MLIP: variants seen among roughly 807,000 people sequenced by gnomAD.
The protein encoded by MLIP is muscular LMNA interacting protein, also known as muscular LMNA-interacting protein.
Under a neutral mutation model 84.8 loss-of-function variants are expected in MLIP, and 79 were observed. That is an observed-to-expected ratio of 0.93 (90% CI 0.78 to 1.12). MLIP has a LOEUF of 1.12. MLIP is among the 50% of genes most tolerant of loss of function. The probability of loss-of-function intolerance (pLI) is 0.00; values close to 1 mark genes in which losing one functional copy is unlikely to be tolerated. For missense variants in MLIP, 1,257 were observed against 1,160.6 expected (o/e 1.08, Z -1.21); for synonymous variants, 504 against 463.0 (o/e 1.09, Z -1.14).
chr6:54,034,721 A>T (rs922130802), intron 1 of MLIP, among the ~76,000 whole-genome samples: 1 of 152,152 alleles, frequency 6.6e-6, no homozygotes, highest in Non-Finnish European at 1.5e-5. Context: ...GTAAGCTAAG[A>T]TTAATTTATT....
intron 9 of MLIP, among the ~76,000 whole-genome samples, chr6:54,177,232 A>T (rs180835024): frequency 6.6e-6 from 1 of 152,312 alleles, no homozygotes; most frequent in East Asian, 1.9e-4. Flanking sequence ...GCACAGCAAA[A>T]TAAATTATCA....
intron 9 of MLIP, among the ~76,000 whole-genome samples, chr6:54,184,530 C>A (rs1353343002): frequency 6.6e-6 from 1 of 152,122 alleles, no homozygotes; most frequent in Admixed American, 6.5e-5. Context: ...CTTTGTTTGC[C>A]TTTGGCATCA....
At chr6:54,210,203 G>T (rs1779343618) in intron 11 of MLIP, among the ~76,000 whole-genome samples, 1 of 152,274 alleles carries the variant, frequency 6.6e-6, no homozygotes, top group Non-Finnish European at 1.5e-5. Context: ...GCAGGACACA[G>T]TTCCTACATA....
intron 11 of MLIP, among the ~76,000 whole-genome samples, chr6:54,209,123 T>C (rs918099437): frequency 6.6e-6 from 1 of 152,222 alleles, no homozygotes; most frequent in African/African-American, 2.4e-5. Flanking sequence ...GATATTGGCA[T>C]ATATTTTAAA....
At chr6:54,234,970 C>T (rs532001400) in intron 12 of MLIP, among the ~76,000 whole-genome samples, 13 of 152,136 alleles carry the variant, frequency 8.5e-5, no homozygotes, top group Non-Finnish European at 1.5e-4. Context: ...GATTCAGTTT[C>T]GTATCTTTAG....
chr6:54,053,204 C>G lies in MLIP; in HGVS notation c.63+34113C>G, dbSNP rs79799932. Reference sequence around the variant, plus strand: ...TCTGATACCCATACCTTAAGCACCACTATGTTTTGTACTGGGTTGAACCAT... The same window carrying G: ...TCTGATACCCATACCTTAAGCACCAGTATGTTTTGTACTGGGTTGAACCAT... On this transcript the variant is annotated intron_variant, in intron 1 of 12. Transcript: ENST00000274897. Among the ~76,000 whole-genome samples the G allele has an allele frequency of 8.8e-4, 134 of 152,266 alleles. 2 individuals carry two copies. The East Asian group carries it at 0.021, about 24-fold the overall frequency.
chr6:54,073,095 C>T (rs116330329), intron 1 of MLIP, among the ~76,000 whole-genome samples: 1,964 of 152,282 alleles, frequency 0.013, 16 homozygotes, highest in Non-Finnish European at 0.021. Context: ...CCCTGCAACT[C>T]CTCCCCTGAA....
At chr6:54,024,275 G>A (rs1016791283) in intron 1 of MLIP, among the ~76,000 whole-genome samples, 1 of 152,198 alleles carries the variant, frequency 6.6e-6, no homozygotes, top group Admixed American at 6.5e-5. Context: ...GCCTCCCAAA[G>A]TGTTGGGATT....
At chr6:54,265,795 G>T (rs1195612445) in intron 13 of MLIP, among the ~76,000 whole-genome samples, 155 bp from the exon 14 acceptor site, 1 of 152,020 alleles carries the variant, frequency 6.6e-6, no homozygotes. Context: ...AACAAGGAAG[G>T]ATCTACTTAA....
chr6:54,192,283 C>T (rs1425753052), intron 10 of MLIP, among the ~76,000 whole-genome samples: 1 of 151,640 alleles, frequency 6.6e-6, no homozygotes, highest in South Asian at 2.1e-4. Flanking sequence ...GGATTATTAT[C>T]AAGTAAGCAT....
At chr6:54,077,038 TGA>T (rs1766848135) in intron 1 of MLIP, among the ~76,000 whole-genome samples, 1 of 152,212 alleles carries the variant, frequency 6.6e-6, no homozygotes, top group Admixed American at 6.5e-5. Flanking sequence ...GAACAAATAC[TGA>T]GAGAACCTCA....
chr6:54,189,491 T>A (rs1052219072), intron 9 of MLIP, among the ~76,000 whole-genome samples: 10 of 152,116 alleles, frequency 6.6e-5, no homozygotes, highest in Non-Finnish European at 1.2e-4. Context: ...TTTAAATAAA[T>A]AGAAATAGCA....
At chr6:54,263,458 C>T (rs1392915433) in intron 13 of MLIP, among the ~76,000 whole-genome samples, 2 of 151,984 alleles carry the variant, frequency 1.3e-5, no homozygotes, top group African/African-American at 4.8e-5. Context: ...GAACATGCAG[C>T]ATTTAATCAT....
chr6:54,200,385 G>C (rs1440575996), intron 10 of MLIP, among the ~76,000 whole-genome samples: 1 of 64 alleles, frequency 0.016, no homozygotes, highest in African/African-American at 0.038. Context: ...TTACAGCCTT[G>C]TAGCCCGAGT....
intron 1 of MLIP, among the ~76,000 whole-genome samples, chr6:54,051,636 A>T (rs886973693): frequency 2.4e-4 from 36 of 152,208 alleles, no homozygotes; most frequent in South Asian, 6.2e-4. Context: ...GGAAAAAGAA[A>T]ATCTGGGATT....
chr6:54,264,493 A>G (rs939011887), intron 13 of MLIP, among the ~76,000 whole-genome samples: 1 of 152,074 alleles, frequency 6.6e-6, no homozygotes, highest in Admixed American at 6.6e-5. Flanking sequence ...TCTGAGCTTC[A>G]ATTTTATTCT....
chr6:54,137,009 A>T lies in MLIP; in HGVS notation c.940A>T (p.Thr314Ser). The change falls in exon 4 of 14, where the codon ACT (threonine) becomes TCT (serine). Residue 314 changes from threonine (T) to serine (S), a missense_variant. Coordinates refer to ENST00000502396, the MANE Select transcript of MLIP (RefSeq NM_001281747.2). ...QLSGSNLPSS[T>S]AADPKPGLTS... ...ATCAGGTTCTAATTTACCCAGTTCA[A>T]CTGCAGCAGATCCAAAGCCTGGACT... 1.3e-6 allele frequency: 2 copies of T among 1,536,038 alleles called. No homozygotes were observed. The highest frequency in any genetic ancestry group is 2.7e-5 in the African/African-American group (2 of 73,134).
intron 1 of MLIP, among the ~76,000 whole-genome samples, chr6:54,074,223 A>T (rs1766656191): frequency 6.6e-6 from 1 of 152,174 alleles, no homozygotes; most frequent in African/African-American, 2.4e-5. Flanking sequence ...GAAATATGTA[A>T]TTGATTTTAT....
chr6:54,124,631 A>G lies in MLIP; in HGVS notation c.411A>G (p.Lys137=). The change falls in exon 3 of 14, where the codon AAA becomes AAG. Residue 137 remains lysine (K), a synonymous_variant. Transcript: ENST00000502396. ...GGATGCAGCAAAGTGACCTCTTCAAAGCTGAATATGTCCTTATTGTGGACT... is the reference window on the plus strand; with the variant it reads ...GGATGCAGCAAAGTGACCTCTTCAAGGCTGAATATGTCCTTATTGTGGACT... ...LQGMQQSDLF[K]AEYVLIVDSE... 6.2e-7 allele frequency: 1 copy of G among 1,614,210 alleles called. No homozygotes were observed. Among genetic ancestry groups the G allele is most frequent in the Non-Finnish European group, 8.5e-7 (1 of 1,180,032 alleles).
Sources: gnomAD v4.1 joint callset for allele counts (sites outside exome capture counted in the v4.1 genomes callset) on GRCh38, gnomAD v4.1.1 for gene constraint, MANE v1.5 for transcripts, NCBI Gene and HGNC (gene_info 2026-07-23, HGNC 2026-07-21) for gene names.